Variants in VGLL1 observed in about 807,000 individuals in gnomAD.
VGLL1 encodes the protein vestigial like family member 1.
VGLL1 carries 4 observed loss-of-function variants against 12.0 expected under a neutral mutation model. The observed-to-expected ratio is 0.33, with a 90% CI of 0.16 to 0.76. The LOEUF is 0.76. Ranked by LOEUF, VGLL1 falls within the 30% of genes least tolerant of loss-of-function variation. The probability of loss-of-function intolerance (pLI) is 0.60; values close to 1 mark genes in which losing one functional copy is unlikely to be tolerated. For missense variants in VGLL1, 204 were observed against 208.7 expected, an observed-to-expected ratio of 0.98 and a Z score of 0.14; for synonymous variants, 87 against 81.2, an observed-to-expected ratio of 1.07 and a Z score of -0.39.
At chrX:136,532,575 TTCTTTCTTTCTTTCTTTC>T (rs1462741733) in intron 1 of VGLL1, among the ~76,000 whole-genome samples, 85 of 6,462 alleles carry the variant, frequency 0.013, no homozygotes, top group Non-Finnish European at 0.02. Context: ...GCTCAAATAT[TTCTTTCTTTCTTTCTTTC>T]TTTCTTTCTT....
In VGLL1 at chrX:136,548,968, C is replaced by A. The variant is rs922857772; in HGVS notation, c.594C>A (p.Ser198Arg). The change falls in exon 3 of 5, where the codon AGC becomes AGA. Residue 198 changes from serine to arginine, a missense_variant. Physicochemically the swap from Ser to Arg is moderately radical, Grantham distance 110. Transcript: ENST00000370634. ...ENGNPGQIAGSTGLLFNLPPG... is the reference protein window; with the variant it reads ...ENGNPGQIAGRTGLLFNLPPG... ...GCAACCCTGGCCAGATAGCTGGAAG[C>A]ACAGGGTTGCTCTTCAACCTGCCTC... 1 of 1,211,494 alleles carries A rather than the reference C, an allele frequency of 8.3e-7. No individual in the cohort carries two copies. The highest frequency in any genetic ancestry group is 1.1e-6 in the Non-Finnish European group (1 of 895,277).
At chrX:136,540,650 C>T (rs1603308541) in intron 2 of VGLL1, among the ~76,000 whole-genome samples, 1 of 112,321 alleles carries the variant, frequency 8.9e-6, no homozygotes, top group African/African-American at 3.2e-5. Flanking sequence ...CCCTTACCCT[C>T]TGAGCTCCGT....
chrX:136,535,903 G>A, intron 1 of VGLL1, 93 bp from the exon 2 acceptor site: 2 of 718,664 alleles, frequency 2.8e-6, no homozygotes, highest in Non-Finnish European at 4.1e-6. Flanking sequence ...CCTGGTGGGA[G>A]CAAATTGCTT....
intron 4 of VGLL1, among the ~76,000 whole-genome samples, chrX:136,553,590 G>A (rs1303340834): frequency 8.9e-6 from 1 of 112,336 alleles, no homozygotes; most frequent in African/African-American, 3.2e-5. Flanking sequence ...GGGATTACAG[G>A]CGTGAGCCAC....
At chrX:136,541,109 A>G (rs1471372726) in intron 2 of VGLL1, among the ~76,000 whole-genome samples, 2 of 112,260 alleles carry the variant, frequency 1.8e-5, no homozygotes, top group African/African-American at 6.5e-5. Flanking sequence ...ACAGAGCAGC[A>G]GGCATCTCCC....
chrX:136,540,979 G>A (rs2075854769), intron 2 of VGLL1, among the ~76,000 whole-genome samples: 1 of 112,067 alleles, frequency 8.9e-6, no homozygotes, highest in Admixed American at 9.4e-5. Context: ...GTGCTTGTGA[G>A]GAGTCAATGA....
intron 2 of VGLL1, among the ~76,000 whole-genome samples, chrX:136,536,692 T>A (rs1333981502): frequency 1.8e-5 from 2 of 112,276 alleles, no homozygotes; most frequent in African/African-American, 6.5e-5. Flanking sequence ...TTGCAGTTTT[T>A]ACACTTGTAT....
At chrX:136,543,396 C>T (rs1011772176) in intron 2 of VGLL1, among the ~76,000 whole-genome samples, 3 of 111,787 alleles carry the variant, frequency 2.7e-5, no homozygotes, top group Non-Finnish European at 5.6e-5. Flanking sequence ...GGAAAGTCAA[C>T]GCGTGCAGAT....
chrX:136,545,284 A>ATG (rs757348654), intron 2 of VGLL1, among the ~76,000 whole-genome samples: 5 of 109,391 alleles, frequency 4.6e-5, no homozygotes, highest in Non-Finnish European at 7.6e-5. Flanking sequence ...AAGGGTGTGT[A>ATG]TGTGTGTGTG....
intron 3 of VGLL1, 77 bp downstream of exon 3, chrX:136,549,085 G>A: frequency 9.7e-7 from 1 of 1,033,013 alleles, no homozygotes; most frequent in African/African-American, 1.9e-5. Flanking sequence ...ATGAGATGAG[G>A]TGCCAAGACT....
intron 2 of VGLL1, among the ~76,000 whole-genome samples, 167 bp downstream of exon 2, chrX:136,536,401 G>A (rs1057177455): frequency 9.0e-6 from 1 of 111,493 alleles, no homozygotes; most frequent in Non-Finnish European, 1.9e-5. Flanking sequence ...ATGTCAAAAT[G>A]GGGCTGCCAT....
intron 2 of VGLL1, among the ~76,000 whole-genome samples, chrX:136,547,810 G>C (rs191668874): frequency 2.7e-5 from 3 of 111,773 alleles, no homozygotes; most frequent in African/African-American, 9.8e-5. Flanking sequence ...TTGGATCCGG[G>C]AGCAAAGGTA....
chrX:136,532,268 A>G lies in VGLL1; in HGVS notation c.-54A>G, dbSNP rs1257762392. ...GCTCTGGCCATCTTTTCCCAGCCAC[A>G]GAATCAGGTGATGGTCCAGAATTAA... On this transcript the variant is annotated 5_prime_UTR_variant, in exon 1 of 5. Coordinates refer to ENST00000370634, the MANE Select transcript of VGLL1 (RefSeq NM_016267.4). The G allele has an allele frequency of 1.8e-5, 2 of 112,066 alleles. No homozygotes were observed. The highest frequency in any genetic ancestry group is 9.4e-5 in the Admixed American group (1 of 10,602). The allele number at this position is 112,066 out of a possible 1,213,427, so 9.2% of individuals were successfully genotyped here.
In VGLL1 at chrX:136,548,912, C is replaced by T. The variant is rs758487310; in HGVS notation, c.538C>T (p.Arg180Cys). The T allele has an allele frequency of 1.8e-5, 22 of 1,210,649 alleles. No individual in the cohort carries two copies. The highest frequency in any genetic ancestry group is 3.5e-5 in the South Asian group (2 of 56,839). Residue 180 changes from arginine (R) to cysteine (C), a missense_variant, in exon 3 of 5, where the codon CGT (arginine) becomes TGT (cysteine). Transcript: ENST00000370634. ...SLLQQDRCLA[R>C]PQESAARENG... Reference sequence around the variant, plus strand: ...CCTCCAGCAAGACAGATGCCTAGCCCGTCCTCAGGAATCTGCCGCCAGGGA... The same window carrying T: ...CCTCCAGCAAGACAGATGCCTAGCCTGTCCTCAGGAATCTGCCGCCAGGGA...
chrX:136,553,911 T>G (rs113725021), intron 4 of VGLL1, among the ~76,000 whole-genome samples: 1 of 112,354 alleles, frequency 8.9e-6, no homozygotes, highest in African/African-American at 3.2e-5. Context: ...ACAAATGTTG[T>G]TCAAAAGTTT....
intron 2 of VGLL1, among the ~76,000 whole-genome samples, chrX:136,547,084 G>T (rs1001913396): frequency 8.9e-6 from 1 of 112,441 alleles, no homozygotes; most frequent in African/African-American, 3.2e-5. Context: ...ACACAATCCA[G>T]TCAAACCAAA....
chrX:136,545,804 A>G (rs950532733), intron 2 of VGLL1, among the ~76,000 whole-genome samples: 28 of 111,020 alleles, frequency 2.5e-4, no homozygotes, highest in African/African-American at 8.9e-4. Context: ...CCAAAAGTGT[A>G]TATGGGTGGA....
chrX:136,540,977 G>A (rs982927431), intron 2 of VGLL1, among the ~76,000 whole-genome samples: 1 of 112,142 alleles, frequency 8.9e-6, no homozygotes, highest in Non-Finnish European at 1.9e-5. Flanking sequence ...CTGTGCTTGT[G>A]AGGAGTCAAT....
At chrX:136,532,633 CTTTCTTTCTTTCTTTCTTTCTTTCTTTCT>C (rs2075827401) in intron 1 of VGLL1, among the ~76,000 whole-genome samples, 2 of 94,526 alleles carry the variant, frequency 2.1e-5, no homozygotes, top group Non-Finnish European at 4.2e-5. Flanking sequence ...TTCTTTCTTT[CTTTCTTTCTTTCTTTCTTTCTTTCTTTCT>C]TTTTCTTTCT....
Sources: gnomAD v4.1 joint callset for allele counts (sites outside exome capture counted in the v4.1 genomes callset) on GRCh38, gnomAD v4.1.1 for gene constraint, MANE v1.5 for transcripts, NCBI Gene and HGNC (gene_info 2026-07-23, HGNC 2026-07-21) for gene names.